Variants in TRIO observed in about 807,000 individuals in gnomAD.
The protein encoded by TRIO is trio Rho guanine nucleotide exchange factor.
TRIO carries 58 observed loss-of-function variants against 351.9 expected under a neutral mutation model. The ratio of observed to expected loss-of-function variants is 0.16; its 90% confidence interval spans 0.13 to 0.21. The LOEUF (loss-of-function observed/expected upper bound fraction) is 0.21. TRIO is among the 10% of genes least tolerant of loss of function. TRIO has a pLI of 1.00. For synonymous variants in TRIO, 1,758 were observed against 1,595.7 expected (o/e 1.10, Z -2.42); for missense variants, 3,201 against 4,027.8 (o/e 0.79, Z 5.56).
chr5:14,456,238 G>T (rs1345586434), intron 34 of TRIO, among the ~76,000 whole-genome samples: 1 of 152,248 alleles, frequency 6.6e-6, no homozygotes, highest in Non-Finnish European at 1.5e-5. Flanking sequence ...CACAGCCCCA[G>T]TTCCCGCCTG....
In TRIO at chr5:14,507,243, G is replaced by A; in HGVS notation, c.8734G>A (p.Ala2912Thr). The A allele has an allele frequency of 6.2e-7, 1 of 1,611,680 alleles. No individual in the cohort carries two copies. Residue 2912 changes from alanine to threonine, a missense_variant, in exon 56 of 57, where the codon GCA becomes ACA. By Grantham distance (58) the Ala-to-Thr change is moderately conservative. Transcript: ENST00000344204. ...AVRYLHNCRI[A>T]HLDLKPENIL... Reference sequence around the variant, plus strand: ...CCGGTACCTGCACAACTGCAGGATAGCACACCTGGACCTAAAGGTTGGTGA... The same window carrying A: ...CCGGTACCTGCACAACTGCAGGATAACACACCTGGACCTAAAGGTTGGTGA...
At chr5:14,198,857 A>G (rs1043215821) in intron 1 of TRIO, among the ~76,000 whole-genome samples, 5 of 152,186 alleles carry the variant, frequency 3.3e-5, no homozygotes, top group East Asian at 1.9e-4. Flanking sequence ...TATTCTGTCA[A>G]TCTGACTCAA....
chr5:14,249,323 C>G (rs1310684108), intron 1 of TRIO, among the ~76,000 whole-genome samples: 1 of 152,206 alleles, frequency 6.6e-6, no homozygotes, highest in African/African-American at 2.4e-5. Context: ...GAGAGCCCGC[C>G]CATGGTTAGG....
Position 14,369,364 on chromosome 5 carries a change from C to G in TRIO, c.3067-10C>G. 2 of 1,591,914 alleles carry G rather than the reference C, an allele frequency of 1.3e-6. No individual in the cohort carries two copies. Among genetic ancestry groups the G allele is most frequent in the Non-Finnish European group, 1.7e-6 (2 of 1,167,364 alleles). On this transcript the variant is annotated splice_polypyrimidine_tract_variant and intron_variant, in intron 17 of 56. Coordinates refer to ENST00000344204, the MANE Select transcript of TRIO (RefSeq NM_007118.4). ...GCCAAGTCTGAGCCTCAAACTTTTC[C>G]TGCTCACAGGTCTGCAGCGTCCTCG...
chr5:14,474,205 A>G (rs1754882196), intron 40 of TRIO, 108 bp downstream of exon 40: 2 of 1,026,712 alleles, frequency 1.9e-6, no homozygotes, highest in Non-Finnish European at 2.9e-6. Flanking sequence ...TTACCTGTGT[A>G]GCCTCCTGGA....
At chr5:14,232,747 A>T (rs1022500450) in intron 1 of TRIO, among the ~76,000 whole-genome samples, 1 of 152,268 alleles carries the variant, frequency 6.6e-6, no homozygotes, top group Non-Finnish European at 1.5e-5. Flanking sequence ...AGAATTGAGT[A>T]TATCTTTTTA....
At chr5:14,474,913 A>G (rs1464397813) in intron 40 of TRIO, among the ~76,000 whole-genome samples, 1 of 152,116 alleles carries the variant, frequency 6.6e-6, no homozygotes, top group Admixed American at 6.5e-5. Flanking sequence ...GGGCTCAAGC[A>G]GTCTTCCCAC....
At chr5:14,353,414 C>T (rs1411369796) in intron 11 of TRIO, among the ~76,000 whole-genome samples, 1 of 151,944 alleles carries the variant, frequency 6.6e-6, no homozygotes, top group Non-Finnish European at 1.5e-5. Flanking sequence ...ATGTGTGTGC[C>T]ACCACGCCCA....
rs945468143 is a variant in TRIO at position 14,506,315 on chromosome 5, G to T, written c.8613-807G>T. Among the ~76,000 whole-genome samples, 8 of 152,338 alleles carry T rather than the reference G, an allele frequency of 5.3e-5. 1 individual carries two copies. The highest frequency in any genetic ancestry group is 2.4e-5 in the African/African-American group (1 of 41,568). On this transcript the variant is annotated intron_variant, in intron 55 of 56. Transcript: ENST00000344204. ...TCCGTTTTCATGACAGATTACTCCT[G>T]TTCTCACCGGCGACTCCCCATTGCT... is the stretch of plus-strand genomic sequence containing the variant.
chr5:14,488,009 C>T lies in TRIO; in HGVS notation c.7381C>T (p.Leu2461Phe), dbSNP rs1048442617. 1.9e-6 allele frequency: 3 copies of T among 1,583,604 alleles called. No individual in the cohort carries two copies. In the African/African-American group the frequency reaches 4.1e-5, roughly 21 times the overall value. The change falls in exon 48 of 57, where the codon CTC (leucine) becomes TTC (phenylalanine). Residue 2461 changes from leucine to phenylalanine, a missense_variant. By Grantham distance (22) the Leu-to-Phe change is conservative. This residue lies in a region of TRIO where 1,089 missense variants were observed against 954.9 expected (regional missense o/e 1.14). Coordinates refer to ENST00000344204, the MANE Select transcript of TRIO (RefSeq NM_007118.4). ...GGCCGCTTCGCCGCTGAACTCGCCG[C>T]TCTCCAGCGCGGTCCCTTCTCTCGG... is the stretch of plus-strand genomic sequence containing the variant. ...AGAASPLNSP[L>F]SSAVPSLGKE...
intron 1 of TRIO, among the ~76,000 whole-genome samples, chr5:14,176,996 A>G (rs956859083): frequency 1.3e-5 from 2 of 152,214 alleles, no homozygotes; most frequent in Non-Finnish European, 2.9e-5. Flanking sequence ...TAGTTTTTAT[A>G]AGAATATTCT....
intron 9 of TRIO, among the ~76,000 whole-genome samples, chr5:14,328,118 C>T (rs1740558087): frequency 6.6e-6 from 1 of 152,178 alleles, no homozygotes; most frequent in Non-Finnish European, 1.5e-5. Context: ...CTAGTTAAAA[C>T]AATGCGCTCA....
chr5:14,435,141 C>T (rs754893593), intron 34 of TRIO, among the ~76,000 whole-genome samples: 65 of 152,182 alleles, frequency 4.3e-4, no homozygotes, highest in Non-Finnish European at 8.2e-4. Flanking sequence ...TCATCCATCC[C>T]ATGGCCACGA....
intron 28 of TRIO, among the ~76,000 whole-genome samples, chr5:14,396,072 C>G (rs1380323332): frequency 7.2e-6 from 1 of 138,836 alleles, no homozygotes; most frequent in Non-Finnish European, 1.5e-5. Context: ...AAAAAAGGAT[C>G]TTGGAGCCCA....
At chr5:14,354,774 T>A (rs928957962) in intron 11 of TRIO, among the ~76,000 whole-genome samples, 4 of 152,332 alleles carry the variant, frequency 2.6e-5, no homozygotes, top group Admixed American at 2.0e-4. Flanking sequence ...TGTTGATTCC[T>A]TAAGTGTTCT....
intron 1 of TRIO, among the ~76,000 whole-genome samples, chr5:14,263,658 A>G (rs16903343): frequency 1.3e-5 from 2 of 152,192 alleles, no homozygotes; most frequent in African/African-American, 2.4e-5. Flanking sequence ...GATACACACT[A>G]AATTTCTAAA....
At chr5:14,227,720 T>C (rs1450846822) in intron 1 of TRIO, among the ~76,000 whole-genome samples, 3 of 152,164 alleles carry the variant, frequency 2.0e-5, no homozygotes, top group Non-Finnish European at 4.4e-5. Context: ...TGCAATTGCA[T>C]CGGGAGGGTT....
rs1389344222 is a variant in TRIO, at chr5:14,508,638, G to A, written c.*216G>A. 1.9e-6 allele frequency: 1 copy of A among 524,816 alleles called. No homozygotes were observed. The highest frequency in any genetic ancestry group is 3.3e-6 in the Non-Finnish European group (1 of 303,794). 32.5% of individuals were successfully genotyped at this position (524,816 alleles called of 1,614,324 possible). A position where few individuals can be genotyped will look rare whatever the true frequency, so the allele number is the denominator to read the frequency against. On this transcript the variant is annotated 3_prime_UTR_variant, in exon 57 of 57. Coordinates refer to ENST00000344204, the MANE Select transcript of TRIO (RefSeq NM_007118.4). ...CACTTACACTCTGCCCAAGGCAGAG[G>A]TCGCATTGCTGTATCACAGTATTTT... is the stretch of plus-strand genomic sequence containing the variant.
rs1384853881 is a variant in TRIO at position 14,342,838 on chromosome 5, A to T, written c.2046+6111A>T. 2.0e-5 allele frequency among the ~76,000 whole-genome samples: 3 copies of T among 152,340 alleles called. No individual in the cohort carries two copies. In the East Asian group the frequency reaches 5.8e-4, roughly 29 times the overall value. ...ACATGCCAATAAATCTATTGTTGAA[A>T]ATGCACTAATACTATCGCAAAGATG... is the stretch of plus-strand genomic sequence containing the variant. On this transcript the variant is annotated intron_variant, in intron 11 of 56. Coordinates refer to ENST00000344204, the MANE Select transcript of TRIO (RefSeq NM_007118.4).
Sources: gnomAD v4.1 joint callset for allele counts (sites outside exome capture counted in the v4.1 genomes callset) on GRCh38, gnomAD v4.1.1 for gene constraint, gnomAD v4.1.1 regional missense constraint, MANE v1.5 for transcripts, NCBI Gene and HGNC (gene_info 2026-07-23, HGNC 2026-07-21) for gene names.